The following ADGRL2 variants were observed in gnomAD, a reference collection of about 807,000 sequenced individuals.
ADGRL2 encodes calcium-independent alpha-latrotoxin receptor 2.
In ADGRL2, 44 loss-of-function variants were observed where a neutral mutation model predicts 157.4. The observed-to-expected ratio is 0.28, with a 90% CI of 0.22 to 0.36. ADGRL2 has a LOEUF of 0.36. ADGRL2 is among the 10% of genes least tolerant of loss of function. The pLI, the probability that ADGRL2 is intolerant of heterozygous loss-of-function variation, is 1.00. For missense variants in ADGRL2, 1,510 were observed against 1,768.9 expected (o/e 0.85, Z 2.63); for synonymous variants, 585 against 624.7 (o/e 0.94, Z 0.95).
intron 1 of ADGRL2, among the ~76,000 whole-genome samples, chr1:81,420,995 G>T (rs2077114550): frequency 6.6e-6 from 1 of 152,140 alleles, no homozygotes; most frequent in East Asian, 1.9e-4. Flanking sequence ...TGACAGAAGG[G>T]CCAAGACTGA....
At chr1:81,786,052 C>T (rs2087030177) in intron 2 of ADGRL2, among the ~76,000 whole-genome samples, 2 of 151,942 alleles carry the variant, frequency 1.3e-5, no homozygotes, top group Admixed American at 1.3e-4. Context: ...TGCAGTGAGC[C>T]ATGATAGCCC....
intron 1 of ADGRL2, among the ~76,000 whole-genome samples, chr1:81,819,941 T>A (rs1018386601): frequency 6.6e-6 from 1 of 152,166 alleles, no homozygotes; most frequent in African/African-American, 2.4e-5. Context: ...TCACTGCAGC[T>A]TTCTCTTTTG....
rs371753024 is a variant in ADGRL2, at chr1:81,525,403, C to T, written c.-247-55473C>T. On this transcript the variant is annotated intron_variant, in intron 2 of 24. Transcript: ENST00000370721. The stretch of plus-strand genomic sequence containing the variant: ...TGCGATCCCGGCTCACTGCAACCTC[C>T]GCCTCCTGGGTTCAAGCGATTCTCA... Among the ~76,000 whole-genome samples the T allele has an allele frequency of 5.9e-5, 9 of 152,186 alleles. No individual in the cohort carries two copies. In the East Asian group the frequency reaches 9.7e-4, roughly 16 times the overall value.
chr1:81,883,339 G>A (rs549623657), intron 2 of ADGRL2, among the ~76,000 whole-genome samples: 16 of 152,242 alleles, frequency 1.1e-4, no homozygotes, highest in South Asian at 4.1e-4. Context: ...AGCATTCAGC[G>A]TAAATGTCAA....
chr1:81,451,972 C>G (rs916831659), intron 2 of ADGRL2, among the ~76,000 whole-genome samples: 2 of 152,168 alleles, frequency 1.3e-5, no homozygotes, highest in African/African-American at 2.4e-5. Context: ...TGTACAACTT[C>G]TGTGCGTTCT....
intron 1 of ADGRL2, among the ~76,000 whole-genome samples, chr1:81,813,600 A>G (rs1475308607): frequency 1.3e-5 from 2 of 151,782 alleles, no homozygotes; most frequent in Admixed American, 6.6e-5. Flanking sequence ...TATTAGCAAC[A>G]GCAATTATAT....
At chr1:81,325,063 C>T (rs532045727) in intron 1 of ADGRL2, among the ~76,000 whole-genome samples, 1 of 152,168 alleles carries the variant, frequency 6.6e-6, no homozygotes, top group South Asian at 2.1e-4. Context: ...GGCCATAGTA[C>T]ATTTGAGAAA....
intron 1 of ADGRL2, among the ~76,000 whole-genome samples, chr1:81,352,990 TTG>T (rs969893053): frequency 1.3e-5 from 2 of 152,156 alleles, no homozygotes; most frequent in African/African-American, 2.4e-5. Context: ...AAATTGAGTG[TTG>T]GGGGTGAAAA....
At chr1:81,970,276 G>T in intron 15 of ADGRL2, 38 bp from the exon 16 acceptor site, 1 of 1,392,802 alleles carries the variant, frequency 7.2e-7, no homozygotes, top group South Asian at 1.2e-5. Context: ...TTTTATTCAT[G>T]AGTTTTCTTT....
intron 3 of ADGRL2, among the ~76,000 whole-genome samples, chr1:81,658,319 T>G (rs953296229): frequency 6.6e-6 from 1 of 152,142 alleles, no homozygotes; most frequent in African/African-American, 2.4e-5. Flanking sequence ...GGTCTTGAAC[T>G]CCTGACCTCA....
At chr1:81,430,246 G>A (rs2077296155) in intron 1 of ADGRL2, among the ~76,000 whole-genome samples, 2 of 152,182 alleles carry the variant, frequency 1.3e-5, no homozygotes, top group Non-Finnish European at 2.9e-5. Context: ...AATGATAGAT[G>A]GCAATGTAGT....
At chr1:81,470,155 A>G (rs1054549978) in intron 2 of ADGRL2, among the ~76,000 whole-genome samples, 1 of 152,218 alleles carries the variant, frequency 6.6e-6, no homozygotes, top group African/African-American at 2.4e-5. Flanking sequence ...CATCAGAATC[A>G]TCCAAAGAGC....
chr1:81,790,036 A>G (rs2087257396), intron 2 of ADGRL2, among the ~76,000 whole-genome samples: 1 of 152,174 alleles, frequency 6.6e-6, no homozygotes. Context: ...TGCAAAACAT[A>G]ACCCTTGAAA....
intron 3 of ADGRL2, among the ~76,000 whole-genome samples, chr1:81,916,983 AT>A (rs1170588879): frequency 2.6e-5 from 4 of 151,484 alleles, no homozygotes; most frequent in African/African-American, 4.8e-5. Context: ...GAAAAAAAAA[AT>A]ACATATATAT....
chr1:81,360,078 G>T (rs1390607376), intron 1 of ADGRL2, among the ~76,000 whole-genome samples: 2 of 151,950 alleles, frequency 1.3e-5, no homozygotes, highest in Non-Finnish European at 1.5e-5. Context: ...ATGGAGACTG[G>T]ATATTCAACA....
chr1:81,514,044 A>T (rs2079128269), intron 2 of ADGRL2: 1 of 142,586 alleles, frequency 7.0e-6, no homozygotes, highest in African/African-American at 2.9e-5. Flanking sequence ...AGTCAAATCA[A>T]GCTGAAAGAC....
At chr1:81,620,986 T>C (rs914430247) in intron 3 of ADGRL2, among the ~76,000 whole-genome samples, 4 of 152,196 alleles carry the variant, frequency 2.6e-5, no homozygotes, top group Non-Finnish European at 5.9e-5. Flanking sequence ...GCCAAGGTTG[T>C]ACTCCAGACT....
chr1:81,573,422 C>G (rs1478405581), intron 2 of ADGRL2, among the ~76,000 whole-genome samples: 3 of 152,110 alleles, frequency 2.0e-5, no homozygotes, highest in Non-Finnish European at 1.5e-5. Flanking sequence ...TGCTTCCTCT[C>G]CCTTTTACTT....
chr1:81,524,859 C>T lies in ADGRL2; in HGVS notation c.-247-56017C>T, dbSNP rs185929956. On this transcript the variant is annotated intron_variant, in intron 2 of 24. Transcript: ENST00000370721. ...GTTAGAGGCTACAGGGAGCTATGAT[C>T]GTGCCACTGCATTCTAGCCTGGGCG... Among the ~76,000 whole-genome samples, 167 of 151,936 alleles carry T rather than the reference C, an allele frequency of 1.1e-3. 1 individual carries two copies. The highest frequency in any genetic ancestry group is 6.5e-4 in the Non-Finnish European group (44 of 67,974).
Sources: allele counts gnomAD v4.1 joint callset (sites outside exome capture counted in the v4.1 genomes callset), GRCh38; gene constraint gnomAD v4.1.1; transcripts MANE v1.5; gene names NCBI Gene and HGNC (gene_info 2026-07-23, HGNC 2026-07-21).